Variants in MSI2 observed in about 807,000 individuals in gnomAD.
MSI2 encodes musashi RNA binding protein 2.
Under a neutral mutation model 45.6 loss-of-function variants are expected in MSI2, and 17 were observed. The observed-to-expected ratio is 0.37, with a 90% CI of 0.26 to 0.56. The LOEUF (loss-of-function observed/expected upper bound fraction) is 0.56, where lower values mean the gene tolerates loss of function less well. MSI2 is among the 20% of genes least tolerant of loss of function. The pLI is 0.77. For synonymous variants in MSI2, 156 were observed against 158.2 expected (o/e 0.99, Z 0.11); for missense variants, 293 against 444.2 (o/e 0.66, Z 3.06).
intron 7 of MSI2, among the ~76,000 whole-genome samples, chr17:57,553,181 G>T (rs1314269976): frequency 6.6e-6 from 1 of 152,220 alleles, no homozygotes; most frequent in Non-Finnish European, 1.5e-5. Context: ...CGAGGGCTCA[G>T]CGCTTCAGTT....
intron 7 of MSI2, among the ~76,000 whole-genome samples, chr17:57,537,791 A>G (rs2086952820): frequency 1.3e-5 from 2 of 152,186 alleles, no homozygotes; most frequent in African/African-American, 2.4e-5. Flanking sequence ...CTTCCTAGCA[A>G]CAGGGCTGGG....
chr17:57,655,683 C>T (rs1355572022), intron 11 of MSI2, among the ~76,000 whole-genome samples: 1 of 152,132 alleles, frequency 6.6e-6, no homozygotes, highest in East Asian at 1.9e-4. Context: ...TTTCCCGCCT[C>T]TCTTACGCTA....
chr17:57,336,400 T>G (rs960712584), intron 5 of MSI2, among the ~76,000 whole-genome samples: 1 of 152,258 alleles, frequency 6.6e-6, no homozygotes, highest in Non-Finnish European at 1.5e-5. Context: ...TCTTACTCGT[T>G]TTCTTTGGGA....
At chr17:57,526,011 G>C (rs1025644299) in intron 6 of MSI2, among the ~76,000 whole-genome samples, 24 of 152,124 alleles carry the variant, frequency 1.6e-4, no homozygotes, top group African/African-American at 5.3e-4. Flanking sequence ...TGGATCACAA[G>C]GTCAGGAGTT....
At chr17:57,549,444 G>A (rs901879109) in intron 7 of MSI2, among the ~76,000 whole-genome samples, 7 of 151,310 alleles carry the variant, frequency 4.6e-5, no homozygotes, top group Middle Eastern at 3.4e-3. Flanking sequence ...TCCGGTAGTT[G>A]CTCACTACCA....
At chr17:57,316,749 A>C (rs16958208) in intron 5 of MSI2, among the ~76,000 whole-genome samples, 23,473 of 151,928 alleles carry the variant, frequency 0.15, 3,837 homozygotes, top group African/African-American at 0.4. Context: ...AATCGCATGG[A>C]TATATTTGGG....
chr17:57,697,702 G>A, the MSI2 span, among the ~76,000 whole-genome samples: 6 of 152,160 alleles, frequency 3.9e-5, no homozygotes, highest in African/African-American at 1.4e-4. Flanking sequence ...TTACATGGTG[G>A]CTGACAAGGG....
At chr17:57,404,000 C>T (rs1327632089) in intron 6 of MSI2, among the ~76,000 whole-genome samples, 6 of 152,140 alleles carry the variant, frequency 3.9e-5, no homozygotes, top group African/African-American at 1.4e-4. Flanking sequence ...GTGTACACCC[C>T]CTGTGCACAC....
intron 7 of MSI2, among the ~76,000 whole-genome samples, chr17:57,537,595 A>G (rs1007886635): frequency 2.0e-5 from 3 of 152,246 alleles, no homozygotes; most frequent in African/African-American, 7.2e-5. Context: ...GGCAACATCG[A>G]TCCAAGACCT....
chr17:57,316,621 C>T (rs913736995), intron 5 of MSI2, among the ~76,000 whole-genome samples: 2 of 152,232 alleles, frequency 1.3e-5, no homozygotes, highest in Non-Finnish European at 2.9e-5. Flanking sequence ...CCGCTGCTCC[C>T]AGTCCATTCC....
intron 8 of MSI2, among the ~76,000 whole-genome samples, chr17:57,603,036 A>G (rs1906083777): frequency 6.6e-6 from 1 of 152,214 alleles, no homozygotes; most frequent in African/African-American, 2.4e-5. Flanking sequence ...TTGGGAATGA[A>G]GGGAGCACGG....
At chr17:57,257,159 C>A (rs1172068794) in intron 2 of MSI2, 21 bp downstream of exon 2, 14 of 1,485,162 alleles carry the variant, frequency 9.4e-6, no homozygotes, top group Admixed American at 1.9e-5. Context: ...GAGGGGGGGA[C>A]GCCTGGGTCC....
At chr17:57,484,258 C>T (rs1203105024) in intron 6 of MSI2, among the ~76,000 whole-genome samples, 2 of 152,202 alleles carry the variant, frequency 1.3e-5, no homozygotes, top group Non-Finnish European at 2.9e-5. Flanking sequence ...CCTGCATCTT[C>T]TCCCTCCACC....
At chr17:57,614,268 G>A (rs1271820195) in intron 8 of MSI2, among the ~76,000 whole-genome samples, 2 of 152,132 alleles carry the variant, frequency 1.3e-5, no homozygotes, top group African/African-American at 4.8e-5. Context: ...AGCCAGGCTG[G>A]TCTCGAACTC....
intron 7 of MSI2, among the ~76,000 whole-genome samples, chr17:57,570,382 C>T (rs2087846131): frequency 6.6e-6 from 1 of 152,192 alleles, no homozygotes; most frequent in Non-Finnish European, 1.5e-5. Context: ...ATTCTCCACA[C>T]TTTCACCAGT....
chr17:57,698,354 G>A, the MSI2 span, among the ~76,000 whole-genome samples: 1 of 152,214 alleles, frequency 6.6e-6, no homozygotes, highest in African/African-American at 2.4e-5. Flanking sequence ...CCCGCACGCT[G>A]TGGGGCACCA....
intron 5 of MSI2, among the ~76,000 whole-genome samples, chr17:57,372,230 GTTTA>G (rs1248163070): frequency 6.6e-6 from 1 of 152,094 alleles, no homozygotes; most frequent in Non-Finnish European, 1.5e-5. Context: ...TCTCTTTCGG[GTTTA>G]TTTGTTTACT....
intron 10 of MSI2, among the ~76,000 whole-genome samples, chr17:57,651,301 G>A (rs1277910670): frequency 1.3e-5 from 2 of 152,142 alleles, no homozygotes; most frequent in East Asian, 3.9e-4. Flanking sequence ...GGACCCGTAG[G>A]AGACCCTCCA....
At chr17:57,583,484 G>GTTTTTT (rs2088258122) in intron 7 of MSI2, among the ~76,000 whole-genome samples, 2 of 83,214 alleles carry the variant, frequency 2.4e-5, no homozygotes, top group African/African-American at 5.0e-5. Flanking sequence ...TTCTCCCAAT[G>GTTTTTT]TTTCTTTTTT....
Sources: allele counts gnomAD v4.1 joint callset (sites outside exome capture counted in the v4.1 genomes callset), GRCh38; gene constraint gnomAD v4.1.1; transcripts MANE v1.5; gene names NCBI Gene and HGNC (gene_info 2026-07-23, HGNC 2026-07-21).